SHISA6: variants seen among roughly 807,000 people sequenced by gnomAD.
SHISA6 encodes protein shisa-6.
A neutral mutation model predicts 47.9 loss-of-function variants in SHISA6; 22 were observed. That is an observed-to-expected ratio of 0.46 (90% confidence interval 0.33 to 0.66). SHISA6 has a LOEUF of 0.66. Ranked by LOEUF, SHISA6 falls within the 30% of genes least tolerant of loss-of-function variation. SHISA6 has a pLI of 0.02. For missense variants in SHISA6, 680 were observed against 764.6 expected (o/e 0.89, Z 1.30); for synonymous variants, 388 against 337.8 (o/e 1.15, Z -1.63).
intron 3 of SHISA6, among the ~76,000 whole-genome samples, chr17:11,419,209 A>G (rs564485759): frequency 6.6e-6 from 1 of 152,232 alleles, no homozygotes; most frequent in East Asian, 1.9e-4. Flanking sequence ...TAAAACTTAA[A>G]GTATAATAAT....
chr17:11,535,132 CA>C (rs1021621965), intron 3 of SHISA6, among the ~76,000 whole-genome samples: 2 of 151,272 alleles, frequency 1.3e-5, no homozygotes, highest in Admixed American at 6.6e-5. Flanking sequence ...GACTCCATCT[CA>C]AAAAAAATAA....
intron 3 of SHISA6, among the ~76,000 whole-genome samples, chr17:11,384,033 C>T: frequency 6.6e-6 from 1 of 152,160 alleles, no homozygotes; most frequent in Non-Finnish European, 1.5e-5. Flanking sequence ...TACATAAATA[C>T]ATACATACTG....
At chr17:11,375,322 C>T (rs1273057940) in intron 2 of SHISA6, among the ~76,000 whole-genome samples, 2 of 152,054 alleles carry the variant, frequency 1.3e-5, no homozygotes, top group Non-Finnish European at 2.9e-5. Flanking sequence ...TGTCTTTTCT[C>T]CCACAGTTTT....
rs71367331 is a variant in SHISA6 at position 11,423,239 on chromosome 17, G to GTGTATATA, written c.895+43731_895+43732insGTATATAT. Among the ~76,000 whole-genome samples the GTGTATATA allele has an allele frequency of 1.2e-3, 159 of 134,620 alleles. 1 individual carries two copies. Among genetic ancestry groups the GTGTATATA allele is most frequent in the African/African-American group, 3.8e-3 (141 of 37,166 alleles). The allele number at this position is 134,620 out of a possible 152,430, so 88.3% of individuals were successfully genotyped here. A position where few individuals can be genotyped will look rare whatever the true frequency, so the allele number is the denominator to read the frequency against. ...TATGTGTGTGTGTGTGTGTGTGTGT[G>GTGTATATA]TATATATATATATATAATATATATA... On this transcript the variant is annotated intron_variant, in intron 3 of 5. Transcript: ENST00000441885.
chr17:11,558,584 C>A lies in SHISA6; in HGVS notation c.*280C>A, dbSNP rs1197496159. On this transcript the variant is annotated 3_prime_UTR_variant, in exon 6 of 6. Transcript: ENST00000441885. ...GGCTAGGCCCCATTCTCACCCCCGA[C>A]CACCTTCACCAACTCCCTTTCCGTC... The A allele has an allele frequency of 2.1e-6, 1 of 478,792 alleles. No homozygotes were observed. Among genetic ancestry groups the A allele is most frequent in the Non-Finnish European group, 3.8e-6 (1 of 266,350 alleles). The allele number at this position is 478,792 out of a possible 1,614,324, so 29.7% of individuals were successfully genotyped here. A position where few individuals can be genotyped will look rare whatever the true frequency, so the allele number is the denominator to read the frequency against.
In SHISA6 at chr17:11,559,294, A is replaced by C. The variant is rs1361802440; in HGVS notation, c.*990A>C. 1 of 152,536 alleles carries C rather than the reference A, an allele frequency of 6.6e-6. No homozygotes were observed. The highest frequency in any genetic ancestry group is 1.5e-5 in the Non-Finnish European group (1 of 68,326). 9.4% of individuals were successfully genotyped at this position (152,536 alleles called of 1,614,324 possible). A position where few individuals can be genotyped will look rare whatever the true frequency, so the allele number is the denominator to read the frequency against. On this transcript the variant is annotated 3_prime_UTR_variant, in exon 6 of 6. Coordinates refer to ENST00000441885, the MANE Select transcript of SHISA6 (RefSeq NM_207386.4). This position sits in a 1 kb window ranked among gnomAD's most constrained non-coding sequence, Gnocchi z 4.4. ...AGGCACCTGCGGTGGCCAGAGAGCC[A>C]GGGTGGGGAGGGCCACTGTGATGTG... is the stretch of plus-strand genomic sequence containing the variant.
chr17:11,527,269 T>TA (rs1168550424), intron 3 of SHISA6, among the ~76,000 whole-genome samples: 1 of 152,128 alleles, frequency 6.6e-6, no homozygotes, highest in Admixed American at 6.6e-5. Context: ...GGAGAACCAT[T>TA]AAATAATATA....
At chr17:11,539,706 A>AGAGCTTG (rs2071817104) in intron 3 of SHISA6, among the ~76,000 whole-genome samples, 1 of 152,162 alleles carries the variant, frequency 6.6e-6, no homozygotes, top group East Asian at 1.9e-4. Flanking sequence ...CTTCCTGCAA[A>AGAGCTTG]CAGCCTTGGA....
At chr17:11,427,946 T>C (rs1172769832) in intron 3 of SHISA6, among the ~76,000 whole-genome samples, 1 of 152,160 alleles carries the variant, frequency 6.6e-6, no homozygotes, top group African/African-American at 2.4e-5. Context: ...GGAGTGTAAT[T>C]GCTGGGACTA....
intron 1 of SHISA6, among the ~76,000 whole-genome samples, chr17:11,258,544 T>C (rs1908101271): frequency 6.6e-6 from 1 of 152,224 alleles, no homozygotes; most frequent in Admixed American, 6.5e-5. Flanking sequence ...ATTTTGGTGC[T>C]CTTTCACCAT....
intron 2 of SHISA6, among the ~76,000 whole-genome samples, chr17:11,293,687 G>A (rs1042448816): frequency 3.3e-5 from 5 of 152,084 alleles, no homozygotes; most frequent in African/African-American, 1.2e-4. Context: ...CCAGCTGTAT[G>A]ATCTCGATGG....
intron 3 of SHISA6, among the ~76,000 whole-genome samples, chr17:11,466,052 TG>T (rs1490246863): frequency 1.3e-5 from 2 of 151,628 alleles, no homozygotes. Context: ...AGATTGATGC[TG>T]AGAGCTTGCT....
At chr17:11,388,553 G>T (rs2142253143) in intron 3 of SHISA6, among the ~76,000 whole-genome samples, 1 of 151,786 alleles carries the variant, frequency 6.6e-6, no homozygotes. Context: ...TCATTGCCTT[G>T]GTGTGCTCAG....
At chr17:11,264,626 G>C (rs1908356311) in intron 2 of SHISA6, among the ~76,000 whole-genome samples, 1 of 152,130 alleles carries the variant, frequency 6.6e-6, no homozygotes, top group Non-Finnish European at 1.5e-5. Context: ...CACATCTATT[G>C]CTCAACAGTT....
intron 3 of SHISA6, among the ~76,000 whole-genome samples, chr17:11,469,599 G>A (rs1195986742): frequency 1.3e-5 from 2 of 152,138 alleles, no homozygotes; most frequent in Non-Finnish European, 2.9e-5. Flanking sequence ...GTTCCTGTGG[G>A]TGAGGTTCAC....
At chr17:11,505,857 A>G (rs916079033) in intron 3 of SHISA6, among the ~76,000 whole-genome samples, 11 of 152,226 alleles carry the variant, frequency 7.2e-5, no homozygotes, top group African/African-American at 2.7e-4. Context: ...ATTCAAAGGT[A>G]ATGCAAGAGG....
intron 2 of SHISA6, among the ~76,000 whole-genome samples, chr17:11,356,197 C>G (rs11867705): frequency 0.31 from 47,739 of 152,148 alleles, 7,892 homozygotes; most frequent in Non-Finnish European, 0.35. Context: ...CCCATCTTCC[C>G]TGTTGATGCA....
intron 3 of SHISA6, among the ~76,000 whole-genome samples, chr17:11,383,852 A>G (rs998443461): frequency 1.3e-5 from 2 of 152,180 alleles, no homozygotes; most frequent in Non-Finnish European, 2.9e-5. Flanking sequence ...TTCCCCCTGA[A>G]ATATTTTCTT....
At chr17:11,426,540 G>A (rs929723775) in intron 3 of SHISA6, among the ~76,000 whole-genome samples, 4 of 152,178 alleles carry the variant, frequency 2.6e-5, no homozygotes, top group African/African-American at 9.7e-5. Flanking sequence ...TGCTGTGTAA[G>A]GCAGACAACT....
Sources: allele counts gnomAD v4.1 joint callset (sites outside exome capture counted in the v4.1 genomes callset), GRCh38; gene constraint gnomAD v4.1.1; non-coding constraint Gnocchi (gnomAD v3.1); transcripts MANE v1.5; gene names NCBI Gene and HGNC (gene_info 2026-07-23, HGNC 2026-07-21).